Variants in VPS41 observed in about 807,000 individuals in gnomAD.
The protein encoded by VPS41 is VPS41 subunit of HOPS complex.
A neutral mutation model predicts 130.9 loss-of-function variants in VPS41; 85 were observed. The observed-to-expected ratio is 0.65, with a 90% CI of 0.55 to 0.78. The LOEUF (loss-of-function observed/expected upper bound fraction) is 0.78. Among genes scored for constraint, VPS41 ranks in the 30% least tolerant of loss-of-function variants. The pLI is 0.00. For synonymous variants in VPS41, 335 were observed against 332.9 expected, an observed-to-expected ratio of 1.01 and a Z score of -0.07; for missense variants, 874 against 1,018.7, an observed-to-expected ratio of 0.86 and a Z score of 1.93.
At chr7:38,865,942 C>G (rs1416684799) in intron 3 of VPS41, among the ~76,000 whole-genome samples, 1 of 152,168 alleles carries the variant, frequency 6.6e-6, no homozygotes, top group Non-Finnish European at 1.5e-5. Flanking sequence ...ATTACATGAT[C>G]AGGTTGAGGT....
intron 10 of VPS41, among the ~76,000 whole-genome samples, chr7:38,786,095 GA>G (rs1330946871): frequency 2.6e-5 from 4 of 152,190 alleles, no homozygotes; most frequent in Non-Finnish European, 5.9e-5. Flanking sequence ...TGAATGTCTG[GA>G]ACAAGACTCT....
chr7:38,832,851 T>G (rs1785418924), intron 4 of VPS41, among the ~76,000 whole-genome samples: 1 of 152,166 alleles, frequency 6.6e-6, no homozygotes, highest in East Asian at 1.9e-4. Flanking sequence ...GAATGACTCC[T>G]ACATTTTTAT....
chr7:38,878,729 G>T (rs1431152369), intron 2 of VPS41, among the ~76,000 whole-genome samples: 1 of 152,152 alleles, frequency 6.6e-6, no homozygotes. Flanking sequence ...TTCAACACTT[G>T]TTTCTGATCT....
intron 15 of VPS41, 141 bp downstream of exon 15, chr7:38,767,396 T>C: frequency 2.2e-6 from 1 of 450,330 alleles, no homozygotes; most frequent in Non-Finnish European, 3.8e-6. Flanking sequence ...AATTATAATT[T>C]AAAAATAATA....
At chr7:38,743,161 A>G (rs1326558953) in intron 24 of VPS41, among the ~76,000 whole-genome samples, 1 of 152,180 alleles carries the variant, frequency 6.6e-6, no homozygotes, top group Non-Finnish European at 1.5e-5. Context: ...TGGGGACACA[A>G]TTAATAAACT....
At position 38,795,435 on chromosome 7, in the gene VPS41, C is replaced by G. The variant is rs11984145; in HGVS notation, c.717+30G>C. On this transcript the variant is annotated intron_variant, in intron 9 of 28. Coordinates refer to ENST00000310301, the MANE Select transcript of VPS41 (RefSeq NM_014396.4). ...CACCCTCAGTGGATCTATAACAACA[C>G]GGACTTATTATAAAGACAAGCAAAA... is the stretch of plus-strand genomic sequence containing the variant. 3.2e-5 allele frequency: 51 copies of G among 1,598,176 alleles called. 1 individual carries two copies.
Position 38,830,284 on chromosome 7 carries a change from C to T in VPS41, c.291G>A (p.Glu97=), listed in dbSNP as rs775317275. 6.2e-7 allele frequency: 1 copy of T among 1,613,268 alleles called. No homozygotes were observed. Among genetic ancestry groups the T allele is most frequent in the South Asian group, 1.1e-5 (1 of 91,062 alleles). The part of the protein sequence containing the change: ...INQISLDESG[E]HMGVCSEDGK... ...CATCCTCTGAACACACACCCATGTG[C>T]TCTCCACTTTCATCCAAGCTAATCT... Residue 97 remains glutamate, a synonymous_variant, in exon 5 of 29, where the codon GAG becomes GAA. Transcript: ENST00000310301.
At position 38,869,243 on chromosome 7, in the gene VPS41, C is replaced by T. The variant is rs1464664058; in HGVS notation, c.71G>A (p.Ser24Asn). The change falls in exon 3 of 29, where the codon AGC becomes AAC. Residue 24 changes from serine (S) to asparagine (N), a missense_variant. By Grantham distance (46) the Ser-to-Asn change is conservative (BLOSUM62 1). Coordinates refer to ENST00000310301, the MANE Select transcript of VPS41 (RefSeq NM_014396.4). ...ESTDESEEEE[S>N]EEEPKLKYER... Reference sequence around the variant, plus strand: ...ATACTTCAGCTTGGGTTCCTCTTCGCTCTCTTCTTCCTGCACAAACGGCAA... The same window carrying T: ...ATACTTCAGCTTGGGTTCCTCTTCGTTCTCTTCTTCCTGCACAAACGGCAA... 1 of 1,611,000 alleles carries T rather than the reference C, an allele frequency of 6.2e-7. No individual in the cohort carries two copies. Among genetic ancestry groups the T allele is most frequent in the South Asian group, 1.1e-5 (1 of 90,706 alleles).
intron 23 of VPS41, among the ~76,000 whole-genome samples, chr7:38,744,284 G>A (rs1004278579): frequency 1.3e-5 from 2 of 152,120 alleles, no homozygotes; most frequent in Admixed American, 1.3e-4. Flanking sequence ...TCAGTGGAGG[G>A]ACAACAACTG....
intron 25 of VPS41, among the ~76,000 whole-genome samples, chr7:38,736,448 C>A (rs986040640): frequency 6.6e-6 from 1 of 152,256 alleles, no homozygotes; most frequent in African/African-American, 2.4e-5. Flanking sequence ...TTACCAAAGT[C>A]TCAATAGGCT....
At position 38,731,836 on chromosome 7, in the gene VPS41, C is replaced by T. The variant is rs1056594366; in HGVS notation, c.2260-3045G>A. On this transcript the variant is annotated intron_variant, in intron 25 of 28. Transcript: ENST00000310301. ...CCCAGTCCCTACCACCTAGATTTAA[C>T]AAATCTGTTGATATTTTCCCACGTG... is the stretch of plus-strand genomic sequence containing the variant. Among the ~76,000 whole-genome samples, 10 of 152,178 alleles carry T rather than the reference C, an allele frequency of 6.6e-5. 1 individual carries two copies. In the South Asian group the frequency reaches 1.9e-3, roughly 28 times the overall value.
chr7:38,765,355 A>G (rs1185283955), intron 16 of VPS41, among the ~76,000 whole-genome samples: 2 of 152,108 alleles, frequency 1.3e-5, no homozygotes, highest in African/African-American at 4.8e-5. Context: ...GAGAATTGGA[A>G]AGAGATAAGT....
At chr7:38,727,698 C>A (rs1004078356) in intron 27 of VPS41, among the ~76,000 whole-genome samples, 6 of 152,186 alleles carry the variant, frequency 3.9e-5, no homozygotes, top group Admixed American at 6.5e-5. Context: ...AGTAGAACAA[C>A]TTCTCATGGA....
chr7:38,794,326 C>T (rs908752396), intron 9 of VPS41, among the ~76,000 whole-genome samples: 1 of 152,088 alleles, frequency 6.6e-6, no homozygotes, highest in Non-Finnish European at 1.5e-5. Context: ...TCATGTAACA[C>T]ATGAAGAAAA....
At chr7:38,876,377 T>C (rs1786491278) in intron 2 of VPS41, among the ~76,000 whole-genome samples, 1 of 152,200 alleles carries the variant, frequency 6.6e-6, no homozygotes, top group African/African-American at 2.4e-5. Flanking sequence ...ATGATCCAAA[T>C]TTTATTTAAG....
chr7:38,879,420 G>A (rs1253666714), intron 2 of VPS41, among the ~76,000 whole-genome samples: 1 of 152,162 alleles, frequency 6.6e-6, no homozygotes, highest in East Asian at 1.9e-4. Flanking sequence ...AACTCAAAGT[G>A]CACTTCATGA....
At chr7:38,745,005 G>A (rs1200069179) in intron 23 of VPS41, among the ~76,000 whole-genome samples, 2 of 152,170 alleles carry the variant, frequency 1.3e-5, no homozygotes, top group African/African-American at 2.4e-5. Flanking sequence ...TGTCATGCAC[G>A]TGGCTCATTT....
At chr7:38,784,011 C>A (rs761830646) in intron 10 of VPS41, among the ~76,000 whole-genome samples, 2 of 152,158 alleles carry the variant, frequency 1.3e-5, no homozygotes, top group Non-Finnish European at 2.9e-5. Context: ...TTATTTACAT[C>A]TTCCCCAAAT....
intron 17 of VPS41, among the ~76,000 whole-genome samples, chr7:38,762,333 G>A (rs1484172831): frequency 6.6e-6 from 1 of 152,168 alleles, no homozygotes. Context: ...ATAAGTAAAA[G>A]TCTAGAAAGT....
Sources: gnomAD v4.1 joint callset for allele counts (sites outside exome capture counted in the v4.1 genomes callset) on GRCh38, gnomAD v4.1.1 for gene constraint, MANE v1.5 for transcripts, NCBI Gene and HGNC (gene_info 2026-07-23, HGNC 2026-07-21) for gene names.